The following HS6ST3 variants were observed in gnomAD, a reference collection of about 807,000 sequenced individuals.
The protein encoded by HS6ST3 is heparan-sulfate 6-O-sulfotransferase 3.
Under a neutral mutation model 36.7 loss-of-function variants are expected in HS6ST3, and 12 were observed. The ratio of observed to expected loss-of-function variants is 0.33; its 90% CI spans 0.21 to 0.53. The LOEUF (loss-of-function observed/expected upper bound fraction) is 0.53. HS6ST3 is among the 20% of genes least tolerant of loss of function. HS6ST3 has a pLI of 0.95. For missense variants in HS6ST3, 584 were observed against 640.9 expected, an observed-to-expected ratio of 0.91 and a Z score of 0.96; for synonymous variants, 240 against 257.5, an observed-to-expected ratio of 0.93 and a Z score of 0.65.
chr13:96,402,380 A>G (rs1418109848), intron 1 of HS6ST3, among the ~76,000 whole-genome samples: 1 of 152,212 alleles, frequency 6.6e-6, no homozygotes, highest in African/African-American at 2.4e-5. Context: ...AGTTTTAACT[A>G]TTATTATTAA....
Position 96,572,344 on chromosome 13 carries a change from C to T in HS6ST3, c.708-260146C>T, listed in dbSNP as rs191524648. On this transcript the variant is annotated intron_variant, in intron 1 of 1. Transcript: ENST00000376705. ...AGTAGAACTAGACTATATTTTACCT[C>T]TCTACTCTCTGGAGAGAAAAGTTTG... is the stretch of plus-strand genomic sequence containing the variant. 1.4e-4 allele frequency among the ~76,000 whole-genome samples: 21 copies of T among 152,286 alleles called. 1 individual carries two copies. Among genetic ancestry groups the T allele is most frequent in the Admixed American group, 1.2e-3 (18 of 15,300 alleles).
At chr13:96,619,621 G>A (rs1245048875) in intron 1 of HS6ST3, among the ~76,000 whole-genome samples, 1 of 152,152 alleles carries the variant, frequency 6.6e-6, no homozygotes, top group Non-Finnish European at 1.5e-5. Flanking sequence ...TCAAACAGCA[G>A]CCTGTGAAAT....
intron 1 of HS6ST3, among the ~76,000 whole-genome samples, chr13:96,348,038 A>G (rs2055164168): frequency 1.3e-5 from 2 of 152,250 alleles, no homozygotes; most frequent in African/African-American, 4.8e-5. Flanking sequence ...TGGTGAAGAA[A>G]TATTTTTTGA....
intron 1 of HS6ST3, among the ~76,000 whole-genome samples, chr13:96,609,844 T>G (rs558475544): frequency 1.1e-3 from 162 of 152,248 alleles, no homozygotes; most frequent in Non-Finnish European, 1.9e-3. Flanking sequence ...CTGATAATAT[T>G]TGATGATGGA....
chr13:96,802,117 C>T (rs1344471629), intron 1 of HS6ST3, among the ~76,000 whole-genome samples: 6 of 152,052 alleles, frequency 3.9e-5, no homozygotes, highest in African/African-American at 1.4e-4. Flanking sequence ...CTCACAGAAA[C>T]CCCCCAGTCA....
intron 1 of HS6ST3, among the ~76,000 whole-genome samples, chr13:96,347,604 G>A (rs947309040): frequency 6.6e-6 from 1 of 152,154 alleles, no homozygotes; most frequent in African/African-American, 2.4e-5. Context: ...AACATTAATA[G>A]AAATTAATGA....
At chr13:96,437,551 G>A (rs2055649240) in intron 1 of HS6ST3, among the ~76,000 whole-genome samples, 1 of 152,190 alleles carries the variant, frequency 6.6e-6, no homozygotes, top group African/African-American at 2.4e-5. Flanking sequence ...CTTAATTCTT[G>A]AATTAAATTC....
At chr13:96,123,784 C>T (rs561819309) in intron 1 of HS6ST3, among the ~76,000 whole-genome samples, 54 of 152,228 alleles carry the variant, frequency 3.5e-4, no homozygotes, top group Non-Finnish European at 7.5e-4. Context: ...CCTTTTCCAG[C>T]TACGATTGCC....
At chr13:96,708,366 A>G (rs1322089168) in intron 1 of HS6ST3, among the ~76,000 whole-genome samples, 1 of 152,196 alleles carries the variant, frequency 6.6e-6, no homozygotes, top group Non-Finnish European at 1.5e-5. Context: ...CTTAATATTA[A>G]CTTTCTGTTC....
At chr13:96,613,458 G>A (rs747015545) in intron 1 of HS6ST3, among the ~76,000 whole-genome samples, 7 of 152,120 alleles carry the variant, frequency 4.6e-5, no homozygotes, top group Non-Finnish European at 7.3e-5. Flanking sequence ...ACTCAGTTTC[G>A]TTCACTGCTT....
At chr13:96,707,694 A>G (rs1594841478) in intron 1 of HS6ST3, among the ~76,000 whole-genome samples, 3 of 152,176 alleles carry the variant, frequency 2.0e-5, no homozygotes, top group Non-Finnish European at 2.9e-5. Context: ...GGCACCTTTG[A>G]CATTTTCTCC....
At chr13:96,272,197 T>C (rs1287307865) in intron 1 of HS6ST3, among the ~76,000 whole-genome samples, 1 of 152,008 alleles carries the variant, frequency 6.6e-6, no homozygotes, top group Non-Finnish European at 1.5e-5. Context: ...TGAAAGTTAA[T>C]GTATAACTTG....
chr13:96,570,526 CTT>C (rs1317590847), intron 1 of HS6ST3, among the ~76,000 whole-genome samples: 1 of 152,202 alleles, frequency 6.6e-6, no homozygotes, highest in Non-Finnish European at 1.5e-5. Flanking sequence ...GGAGTTGAGA[CTT>C]TGGGTCTACA....
At chr13:96,404,292 T>C (rs918159632) in intron 1 of HS6ST3, among the ~76,000 whole-genome samples, 3 of 152,176 alleles carry the variant, frequency 2.0e-5, no homozygotes, top group Non-Finnish European at 2.9e-5. Flanking sequence ...GTGCCTTATA[T>C]GCCCGTAGGA....
At chr13:96,269,266 A>G (rs2054707972) in intron 1 of HS6ST3, among the ~76,000 whole-genome samples, 1 of 151,964 alleles carries the variant, frequency 6.6e-6, no homozygotes, top group South Asian at 2.1e-4. Context: ...GTATACATAA[A>G]ATGTATATTT....
chr13:96,149,751 A>T (rs955053339), intron 1 of HS6ST3, among the ~76,000 whole-genome samples: 1 of 152,250 alleles, frequency 6.6e-6, no homozygotes, highest in Non-Finnish European at 1.5e-5. Flanking sequence ...TTTTACAGCC[A>T]AAGGATTTGA....
At chr13:96,591,188 G>C (rs750611904) in intron 1 of HS6ST3, among the ~76,000 whole-genome samples, 1 of 151,620 alleles carries the variant, frequency 6.6e-6, no homozygotes, top group Admixed American at 6.6e-5. Context: ...AGTCTTTTGT[G>C]GTTCCACATA....
At chr13:96,764,675 G>A (rs1433642700) in intron 1 of HS6ST3, among the ~76,000 whole-genome samples, 1 of 152,150 alleles carries the variant, frequency 6.6e-6, no homozygotes, top group Non-Finnish European at 1.5e-5. Context: ...TTTCTGTGCA[G>A]GCAGGATCCT....
intron 1 of HS6ST3, among the ~76,000 whole-genome samples, chr13:96,359,963 C>T (rs1444167075): frequency 3.3e-5 from 5 of 152,120 alleles, no homozygotes; most frequent in African/African-American, 1.2e-4. Context: ...CACCCCTATT[C>T]CACCACTGAG....
Sources: gnomAD v4.1 joint callset for allele counts (sites outside exome capture counted in the v4.1 genomes callset) on GRCh38, gnomAD v4.1.1 for gene constraint, MANE v1.5 for transcripts, NCBI Gene and HGNC (gene_info 2026-07-23, HGNC 2026-07-21) for gene names.